The following FIGN variants were observed in gnomAD, a reference collection of about 807,000 sequenced individuals.
FIGN encodes the protein fidgetin, microtubule severing factor.
FIGN carries 11 observed loss-of-function variants against 51.3 expected under a neutral mutation model. That is an observed-to-expected ratio of 0.21 (90% CI 0.13 to 0.35). The LOEUF (loss-of-function observed/expected upper bound fraction) is 0.35, where lower values mean the gene tolerates loss of function less well. Ranked by LOEUF, FIGN falls within the 10% of genes least tolerant of loss-of-function variation. FIGN has a pLI of 1.00. For missense variants in FIGN, 857 were observed against 943.6 expected (o/e 0.91, Z 1.20); for synonymous variants, 407 against 363.2 (o/e 1.12, Z -1.37).
At chr2:163,702,324 A>G (rs1174777908) in intron 2 of FIGN, among the ~76,000 whole-genome samples, 1 of 152,192 alleles carries the variant, frequency 6.6e-6, no homozygotes, top group East Asian at 1.9e-4. Context: ...ATAAAGAACT[A>G]CAGATTACAC....
At chr2:163,634,520 T>C (rs756200182) in intron 2 of FIGN, among the ~76,000 whole-genome samples, 68 of 152,180 alleles carry the variant, frequency 4.5e-4, no homozygotes, top group Non-Finnish European at 8.2e-4. Context: ...CTGGGCTCTC[T>C]CATTATACTA....
intron 2 of FIGN, among the ~76,000 whole-genome samples, chr2:163,642,662 G>C (rs1202325052): frequency 6.6e-6 from 1 of 152,162 alleles, no homozygotes; most frequent in African/African-American, 2.4e-5. Context: ...TCAAGGGCAG[G>C]TGCTGAAGAT....
At chr2:163,674,273 CGT>C (rs1227965897) in intron 2 of FIGN, among the ~76,000 whole-genome samples, 3 of 152,020 alleles carry the variant, frequency 2.0e-5, no homozygotes, top group Non-Finnish European at 2.9e-5. Flanking sequence ...TGTGTGCGTG[CGT>C]GTGTGTTTTA....
chr2:163,668,698 T>C (rs2105331818), intron 2 of FIGN, among the ~76,000 whole-genome samples: 1 of 152,202 alleles, frequency 6.6e-6, no homozygotes, highest in South Asian at 2.1e-4. Flanking sequence ...CCCAGCACTT[T>C]GGGAGGCTGA....
At chr2:163,723,297 A>G (rs78096123) in intron 2 of FIGN, among the ~76,000 whole-genome samples, 6 of 152,252 alleles carry the variant, frequency 3.9e-5, no homozygotes, top group African/African-American at 9.6e-5. Flanking sequence ...TTGAATTCCT[A>G]TTATAGGTCT....
chr2:163,639,395 T>C (rs1174403625), intron 2 of FIGN, among the ~76,000 whole-genome samples: 4 of 152,184 alleles, frequency 2.6e-5, no homozygotes, highest in Admixed American at 2.6e-4. Context: ...AATTATAAGC[T>C]TTATTGTGCA....
At position 163,610,187 on chromosome 2, in the gene FIGN, T is replaced by C. The variant is rs755912233; in HGVS notation, c.1645A>G (p.Lys549Glu). The change falls in exon 3 of 3, where the codon AAA (lysine) becomes GAA (glutamate). Residue 549 changes from lysine (K) to glutamate (E), a missense_variant. By Grantham distance (56) the Lys-to-Glu change is moderately conservative. Coordinates refer to ENST00000333129, the MANE Select transcript of FIGN (RefSeq NM_018086.4). ...IASQLGATFF[K>E]IAGSGLVAKW... The stretch of plus-strand genomic sequence containing the variant: ...GCGACTAGTCCAGAACCGGCAATTT[T>C]GAAAAATGTGGCCCCCAGCTGACTA... 50 of 1,613,970 alleles carry C rather than the reference T, an allele frequency of 3.1e-5. No homozygotes were observed. Among genetic ancestry groups the C allele is most frequent in the Non-Finnish European group, 3.2e-5 (38 of 1,180,012 alleles).
chr2:163,637,285 G>A (rs937064366), intron 2 of FIGN, among the ~76,000 whole-genome samples: 1 of 152,222 alleles, frequency 6.6e-6, no homozygotes, highest in Non-Finnish European at 1.5e-5. Context: ...AAGAGACCAT[G>A]CATTCTAAAT....
At chr2:163,710,346 A>C (rs939409405) in intron 2 of FIGN, among the ~76,000 whole-genome samples, 1 of 152,210 alleles carries the variant, frequency 6.6e-6, no homozygotes, top group Non-Finnish European at 1.5e-5. Context: ...CGTGGAAATT[A>C]TGAAGATTAG....
chr2:163,648,213 C>A (rs78242064), intron 2 of FIGN, among the ~76,000 whole-genome samples: 11,715 of 151,970 alleles, frequency 0.077, 566 homozygotes, highest in Non-Finnish European at 0.1. Context: ...CCATCACAAG[C>A]AGAGGAGAAT....
intron 2 of FIGN, among the ~76,000 whole-genome samples, chr2:163,616,941 G>C (rs966728840): frequency 2.0e-5 from 3 of 152,114 alleles, no homozygotes; most frequent in Non-Finnish European, 2.9e-5. Flanking sequence ...TCTGAAAGAA[G>C]GATTGTACAC....
chr2:163,731,468 C>A (rs1684928298), intron 2 of FIGN, among the ~76,000 whole-genome samples: 1 of 151,976 alleles, frequency 6.6e-6, no homozygotes, highest in African/African-American at 2.4e-5. Context: ...TCTTGTATAT[C>A]TATCAGAAGT....
chr2:163,640,999 A>C (rs1047398115), intron 2 of FIGN, among the ~76,000 whole-genome samples: 2 of 152,206 alleles, frequency 1.3e-5, no homozygotes, highest in Non-Finnish European at 2.9e-5. Context: ...GGGACAGCAC[A>C]GACAGAACCA....
Position 163,611,455 on chromosome 2 carries a change from T to G in FIGN, c.377A>C (p.Asp126Ala). ...EAVYPMNCVPDVITASKAGVS... is the reference protein window; with the variant it reads ...EAVYPMNCVPAVITASKAGVS... ...TCCAGCTTTGCTGGCAGTGATAACA[T>G]CCGGAACACAGTTCATGGGATAAAC... The change falls in exon 3 of 3, where the codon GAT becomes GCT. Residue 126 changes from aspartate to alanine, a missense_variant. Physicochemically the swap from Asp to Ala is moderately radical, Grantham distance 126 (BLOSUM62 -2). Transcript: ENST00000333129. 1 of 1,614,128 alleles carries G rather than the reference T, an allele frequency of 6.2e-7. No homozygotes were observed.
chr2:163,718,890 A>G (rs1246583901), intron 2 of FIGN, among the ~76,000 whole-genome samples: 3 of 152,188 alleles, frequency 2.0e-5, no homozygotes, highest in Non-Finnish European at 4.4e-5. Flanking sequence ...GGATAACTAT[A>G]AAATCAGGCC....
At chr2:163,643,335 C>T (rs780865040) in intron 2 of FIGN, among the ~76,000 whole-genome samples, 1 of 152,068 alleles carries the variant, frequency 6.6e-6, no homozygotes, top group African/African-American at 2.4e-5. Flanking sequence ...TACAAAAGAA[C>T]GAAGTTGGAC....
chr2:163,667,194 C>G (rs1683793302), intron 2 of FIGN, among the ~76,000 whole-genome samples: 1 of 152,034 alleles, frequency 6.6e-6, no homozygotes. Context: ...GATTTCATCT[C>G]TGACTTCTTT....
In FIGN at chr2:163,704,173, T is replaced by G. The variant is rs555318261; in HGVS notation, c.25+30730A>C. ...CATTTGAAACATCCAAAAAAGGTGA[T>G]TGAAGGGTACAGTAATATGCTTACA... On this transcript the variant is annotated intron_variant, in intron 2 of 2. Transcript: ENST00000333129. Among the ~76,000 whole-genome samples the G allele has an allele frequency of 1.2e-3, 186 of 152,206 alleles. 1 individual carries two copies. Among genetic ancestry groups the G allele is most frequent in the Non-Finnish European group, 2.0e-3 (139 of 68,010 alleles).
intron 2 of FIGN, among the ~76,000 whole-genome samples, chr2:163,704,034 G>A (rs1042971972): frequency 6.6e-6 from 1 of 151,742 alleles, no homozygotes; most frequent in Non-Finnish European, 1.5e-5. Flanking sequence ...GTTTGGAAAA[G>A]GGGGAAAAAA....
Sources: gnomAD v4.1 joint callset for allele counts (sites outside exome capture counted in the v4.1 genomes callset) on GRCh38, gnomAD v4.1.1 for gene constraint, MANE v1.5 for transcripts, NCBI Gene and HGNC (gene_info 2026-07-23, HGNC 2026-07-21) for gene names.